DNAH6: variants seen among roughly 807,000 people sequenced by gnomAD.
The protein encoded by DNAH6 is axonemal beta dynein heavy chain 6.
In DNAH6, 340 loss-of-function variants were observed where a neutral mutation model predicts 491.4. The observed-to-expected ratio is 0.69, with a 90% CI of 0.63 to 0.76. DNAH6 has a LOEUF of 0.76. DNAH6 is among the 30% of genes least tolerant of loss of function. The pLI is 0.00. For synonymous variants in DNAH6, 1,603 were observed against 1,686.1 expected, an observed-to-expected ratio of 0.95 and a Z score of 1.21; for missense variants, 4,443 against 4,972.2, an observed-to-expected ratio of 0.89 and a Z score of 3.20.
chr2:84,599,550 A>G (rs932282794), intron 18 of DNAH6, among the ~76,000 whole-genome samples: 1 of 152,196 alleles, frequency 6.6e-6, no homozygotes, highest in Non-Finnish European at 1.5e-5. Flanking sequence ...TATTATATCC[A>G]ATTAAAGGAA....
intron 72 of DNAH6, among the ~76,000 whole-genome samples, chr2:84,810,315 T>C (rs1257297877): frequency 6.6e-6 from 1 of 152,258 alleles, no homozygotes; most frequent in African/African-American, 2.4e-5. Context: ...ACATACTAAA[T>C]CTTCCGTGAA....
At chr2:84,614,494 A>G (rs1172478661) in intron 22 of DNAH6, among the ~76,000 whole-genome samples, 1 of 152,174 alleles carries the variant, frequency 6.6e-6, no homozygotes, top group Non-Finnish European at 1.5e-5. Context: ...GTTATAAACT[A>G]CGTGTGCAAG....
intron 16 of DNAH6, among the ~76,000 whole-genome samples, chr2:84,590,083 G>A (rs1436223069): frequency 1.3e-5 from 2 of 152,122 alleles, no homozygotes; most frequent in African/African-American, 4.8e-5. Context: ...AATAAGGCTG[G>A]TGATACTTGA....
intron 68 of DNAH6, among the ~76,000 whole-genome samples, chr2:84,792,237 T>A (rs1677825075): frequency 6.6e-6 from 1 of 151,994 alleles, no homozygotes; most frequent in Non-Finnish European, 1.5e-5. Context: ...AGGAGGAAAA[T>A]GGGGAGTTGT....
chr2:84,603,443 C>G (rs1220753619), intron 18 of DNAH6, among the ~76,000 whole-genome samples: 1 of 152,048 alleles, frequency 6.6e-6, no homozygotes, highest in Non-Finnish European at 1.5e-5. Flanking sequence ...TGGGTCTTCC[C>G]TTTGTGTTGT....
chr2:84,790,548 TAACTC>T (rs1436073566), intron 68 of DNAH6, among the ~76,000 whole-genome samples: 1 of 152,038 alleles, frequency 6.6e-6, no homozygotes, highest in Non-Finnish European at 1.5e-5. Context: ...ATAAGAAAAA[TAACTC>T]AATATTAAAA....
At chr2:84,516,168 A>T (rs1675574165), upstream of DNAH6, among the ~76,000 whole-genome samples, 2 of 152,354 alleles carry the variant, frequency 1.3e-5, no homozygotes, top group South Asian at 4.1e-4. Flanking sequence ...CTCTTGAAGG[A>T]AAACAGAAAA....
chr2:84,808,169 G>GTGTA (rs1679624800), intron 71 of DNAH6, among the ~76,000 whole-genome samples: 1 of 148,682 alleles, frequency 6.7e-6, no homozygotes, highest in South Asian at 2.1e-4. Context: ...GTGTGTGTGT[G>GTGTA]TATGCCCTGA....
intron 70 of DNAH6, among the ~76,000 whole-genome samples, chr2:84,801,537 A>G (rs1170046955): frequency 6.6e-6 from 1 of 152,196 alleles, no homozygotes; most frequent in Non-Finnish European, 1.5e-5. Context: ...CTCTCAGCAG[A>G]AAACTTAGAA....
At chr2:84,550,855 AAAG>A (rs975743300) in intron 9 of DNAH6, among the ~76,000 whole-genome samples, 1 of 152,230 alleles carries the variant, frequency 6.6e-6, no homozygotes, top group African/African-American at 2.4e-5. Context: ...TTAGAGGTGA[AAAG>A]AAGCAAATTA....
At chr2:84,512,958 A>G (rs897636562), upstream of DNAH6, among the ~76,000 whole-genome samples, 1 of 152,018 alleles carries the variant, frequency 6.6e-6, no homozygotes, top group African/African-American at 2.4e-5. Context: ...GGTTTAATCA[A>G]TTTCCATTTA....
intron 18 of DNAH6, among the ~76,000 whole-genome samples, chr2:84,602,482 C>CTTTT (rs3029846): frequency 1.9e-4 from 6 of 32,024 alleles, no homozygotes; most frequent in East Asian, 1.4e-3. Flanking sequence ...TGTTGTGTCC[C>CTTTT]TTTTTTTTTT....
At chr2:84,795,994 T>A (rs1678308636) in intron 68 of DNAH6, among the ~76,000 whole-genome samples, 1 of 152,100 alleles carries the variant, frequency 6.6e-6, no homozygotes, top group African/African-American at 2.4e-5. Context: ...ATGATAAGAC[T>A]CAAAATCAGT....
the DNAH6 span, among the ~76,000 whole-genome samples, chr2:84,481,214 C>T: frequency 6.6e-6 from 1 of 152,140 alleles, no homozygotes; most frequent in Non-Finnish European, 1.5e-5. Context: ...GCTACCACCA[C>T]TTAAGACCCC....
chr2:84,752,203 A>C (rs961343), intron 63 of DNAH6, among the ~76,000 whole-genome samples: 37,880 of 152,038 alleles, frequency 0.25, 5,294 homozygotes, highest in African/African-American at 0.4. Flanking sequence ...ATTTGGTAAA[A>C]CCCAGATGTA....
intron 16 of DNAH6, among the ~76,000 whole-genome samples, chr2:84,592,543 A>G (rs1305819772): frequency 6.6e-6 from 1 of 152,206 alleles, no homozygotes; most frequent in African/African-American, 2.4e-5. Context: ...TGGTTCCTCA[A>G]AACTTAAAAA....
Position 84,528,935 on chromosome 2 carries a change from C to G in DNAH6, c.431C>G (p.Pro144Arg). ...CGGCCCTATGTTGAGGTGTTCTCTC[C>G]CTCTCCTCCTAAACTGCCACATACT... ...IHRPYVEVFS[P>R]SPPKLPHTGI... Residue 144 changes from proline (P) to arginine (R), a missense_variant, in exon 4 of 77, where the codon CCC becomes CGC. Physicochemically the swap from Pro to Arg is moderately radical, Grantham distance 103. Transcript: ENST00000389394. The G allele has an allele frequency of 6.5e-7, 1 of 1,549,444 alleles. No individual in the cohort carries two copies. The highest frequency in any genetic ancestry group is 8.7e-7 in the Non-Finnish European group (1 of 1,146,136).
chr2:84,727,653 G>A lies in DNAH6; in HGVS notation c.9973-16G>A, dbSNP rs538871860. The A allele has an allele frequency of 5.5e-6, 8 of 1,448,012 alleles. No homozygotes were observed. In the East Asian group the frequency reaches 1.5e-4, roughly 27 times the overall value. The allele number at this position is 1,448,012 out of a possible 1,614,324, so 89.7% of individuals were successfully genotyped here. On this transcript the variant is annotated splice_polypyrimidine_tract_variant and intron_variant, in intron 60 of 76. Transcript: ENST00000389394. Reference sequence around the variant, plus strand: ...GAATTAAATCAGAGACATTGATAGAGCTCTCTTTCACACAGTTGTTCAATA... The same window carrying A: ...GAATTAAATCAGAGACATTGATAGAACTCTCTTTCACACAGTTGTTCAATA...
In DNAH6 at chr2:84,595,604, T is replaced by A. The variant is rs561996179; in HGVS notation, c.2725-42T>A. The A allele has an allele frequency of 2.1e-4, 307 of 1,489,644 alleles. 4 individuals are homozygous for A. In the South Asian group the frequency reaches 3.9e-3, roughly 19 times the overall value. The allele number at this position is 1,489,644 out of a possible 1,614,324, so 92.3% of individuals were successfully genotyped here. A position where few individuals can be genotyped will look rare whatever the true frequency, so the allele number is the denominator to read the frequency against. ...AGTATTTCAAACCTGACTTTTACTT[T>A]ATGTTTTAACTTGTTTTGCTTTGTT... On this transcript the variant is annotated intron_variant, in intron 17 of 76. Coordinates refer to ENST00000389394, the MANE Select transcript of DNAH6 (RefSeq NM_001370.2).
Sources: allele counts gnomAD v4.1 joint callset (sites outside exome capture counted in the v4.1 genomes callset), GRCh38; gene constraint gnomAD v4.1.1; transcripts MANE v1.5; gene names NCBI Gene and HGNC (gene_info 2026-07-23, HGNC 2026-07-21).